The following TH variants were observed in gnomAD, a reference collection of about 807,000 sequenced individuals.
TH encodes the protein tyrosine 3-monooxygenase.
A neutral mutation model predicts 57.4 loss-of-function variants in TH; 49 were observed. The observed-to-expected ratio is 0.85, with a 90% CI of 0.68 to 1.08. TH has a LOEUF of 1.08. TH is among the 50% of genes least tolerant of loss of function. The pLI, the probability that TH is intolerant of heterozygous loss-of-function variation, is 0.00. For synonymous variants in TH, 330 were observed against 304.5 expected (o/e 1.08, Z -0.87); for missense variants, 720 against 696.7 (o/e 1.03, Z -0.38).
In TH at chr11:2,166,765, C is replaced by T. The variant is rs1846103707; in HGVS notation, c.845G>A (p.Arg282His). ...CACAGGCCGCAGCTGGAAGCCCGTG[C>T]GCTCTGCAAGGGGCCACGCGGGTCA... Reference protein sequence around the residue: ...LEDVSRFLKERTGFQLRPVAG... With the variant: ...LEDVSRFLKEHTGFQLRPVAG... The change falls in exon 8 of 13, where the codon CGC becomes CAC. Residue 282 changes from arginine (R) to histidine (H), a missense_variant. By Grantham distance (29) the Arg-to-His change is conservative. Coordinates refer to ENST00000352909, the MANE Select transcript of TH (RefSeq NM_000360.4). 5 of 1,549,090 alleles carry T rather than the reference C, an allele frequency of 3.2e-6. No individual in the cohort carries two copies. Among genetic ancestry groups the T allele is most frequent in the East Asian group, 2.4e-5 (1 of 40,946 alleles).
In TH at chr11:2,170,887, C is replaced by T; in HGVS notation, c.90+810G>A. 2 of 614,136 alleles carry T rather than the reference C, an allele frequency of 3.3e-6. No homozygotes were observed. The highest frequency in any genetic ancestry group is 1.9e-5 in the South Asian group (1 of 51,758). 38.0% of individuals were successfully genotyped at this position (614,136 alleles called of 1,614,324 possible). On this transcript the variant is annotated intron_variant, in intron 1 of 12. Transcript: ENST00000352909. The surrounding 1 kb of genome is among the most constrained non-coding windows in gnomAD (Gnocchi z 6.0). ...GTACCTGGAAATGACACTGCTACAA[C>T]TCACACCACATTTCAATCAAGGTCC...
rs778507389 is a variant in TH, at chr11:2,168,663, C to T, written c.315G>A (p.Thr105=). The change falls in exon 3 of 13, where the codon ACG becomes ACA. Residue 105 remains threonine, a splice_region_variant and synonymous_variant. Coordinates refer to ENST00000352909, the MANE Select transcript of TH (RefSeq NM_000360.4). ...CTAGATGGTGGATTTTGGCTTCAAA[C>T]GTCTTAGGGAGCAAAAGCAGGAAGA... ...ALSRAVKVFE[T]FEAKIHHLET... The T allele has an allele frequency of 1.0e-5, 15 of 1,479,396 alleles. No individual in the cohort carries two copies. The highest frequency in any genetic ancestry group is 5.9e-5 in the East Asian group (2 of 33,820). 91.6% of individuals were successfully genotyped at this position (1,479,396 alleles called of 1,614,324 possible).
In TH at chr11:2,169,747, G is replaced by T; in HGVS notation, c.215C>A (p.Ala72Asp). The T allele has an allele frequency of 1.2e-6, 2 of 1,612,726 alleles. No individual in the cohort carries two copies. The highest frequency in any genetic ancestry group is 1.7e-6 in the Non-Finnish European group (2 of 1,179,866). Residue 72 changes from alanine to aspartate, a missense_variant, in exon 2 of 13, where the codon GCC becomes GAC. Coordinates refer to ENST00000352909, the MANE Select transcript of TH (RefSeq NM_000360.4). ...SEPGDPLEAV[A>D]FEEKEGKAVL... is the part of the protein sequence containing the mutation. ...GGCCTTCCCCTCCTTCTCCTCAAAG[G>T]CCACAGCCTCCAGGGGGTCCCCGGG... is the stretch of plus-strand genomic sequence containing the variant.
At chr11:2,168,364 A>G (rs1350967522) in intron 3 of TH, 127 bp downstream of exon 3, 1 of 1,401,312 alleles carries the variant, frequency 7.1e-7, no homozygotes, top group Non-Finnish European at 9.9e-7. Flanking sequence ...CGGGGTGCGG[A>G]GTGGAGCCCG....
chr11:2,166,156 G>C, intron 9 of TH, 98 bp from the exon 10 acceptor site: 1 of 1,377,650 alleles, frequency 7.3e-7, no homozygotes, highest in Non-Finnish European at 1.0e-6. Flanking sequence ...AGGGGTCTCT[G>C]GGACACTTCC....
rs370429316 is a variant in TH at position 2,168,615 on chromosome 11, C to T, written c.363G>A (p.Pro121=). The change falls in exon 3 of 13, where the codon CCG becomes CCA. Residue 121 remains proline (P), a synonymous_variant. Transcript: ENST00000352909. ...HHLETRPAQR[P]RAGGPHLEYF... is the part of the protein sequence containing the mutation. ...ACTCCAGGTGGGGGCCCCCAGCTCG[C>T]GGCCTCTGGGCGGGCCGGGTCTCTA... 5.1e-4 allele frequency: 821 copies of T among 1,611,876 alleles called. 1 individual carries two copies. The highest frequency in any genetic ancestry group is 6.3e-4 in the Non-Finnish European group (746 of 1,179,696).
intron 6 of TH, 74 bp from the exon 7 acceptor site, chr11:2,167,106 G>A: frequency 6.5e-7 from 1 of 1,531,844 alleles, no homozygotes; most frequent in Non-Finnish European, 8.8e-7. Context: ...AACTGTGGGT[G>A]CCTCTGCCTG....
intron 7 of TH, 33 bp downstream of exon 7, chr11:2,166,854 C>T (rs375452446): frequency 6.3e-7 from 1 of 1,593,106 alleles, no homozygotes. Context: ...ATCCCCGGCC[C>T]CCCGGCTCTG....
intron 9 of TH, 50 bp downstream of exon 9, chr11:2,166,430 G>A: frequency 3.9e-6 from 6 of 1,528,492 alleles, no homozygotes; most frequent in Non-Finnish European, 5.3e-6. Context: ...CGCCCCCGGC[G>A]CCAAGCCAGC....
Position 2,169,680 on chromosome 11 carries a change from C to A in TH, c.282G>T (p.Ser94=), listed in dbSNP as rs75348531. 2 of 1,613,296 alleles carry A rather than the reference C, an allele frequency of 1.2e-6. No homozygotes were observed. Among genetic ancestry groups the A allele is most frequent in the African/African-American group, 1.3e-5 (1 of 74,858 alleles). Residue 94 remains serine, a synonymous_variant, in exon 2 of 13, where the codon TCG becomes TCT. Coordinates refer to ENST00000352909, the MANE Select transcript of TH (RefSeq NM_000360.4). ...LLFSPRATKP[S]ALSRAVKVFE... ...ACACCTTCACAGCTCGGGACAGCGC[C>A]GAGGGCTTGGTGGCCCTCGGGGAGA...
intron 2 of TH, 87 bp downstream of exon 2, chr11:2,169,563 C>T: frequency 7.3e-7 from 1 of 1,373,506 alleles, no homozygotes; most frequent in Non-Finnish European, 1.0e-6. Flanking sequence ...GCAGCTGCAC[C>T]TCTGCTATAG....
At position 2,166,375 on chromosome 11, in the gene TH, G is replaced by T. The variant is rs994818677; in HGVS notation, c.1047+105C>A. 7 of 1,405,946 alleles carry T rather than the reference G, an allele frequency of 5.0e-6. No homozygotes were observed. The Admixed American group carries it at 1.6e-4, about 32-fold the overall frequency. 87.1% of individuals were successfully genotyped at this position (1,405,946 alleles called of 1,614,324 possible). ...GCGCCGAGCCTCCTTGGCGGGGCCCGGGAGCAGGCAGCACACTTCACCCAC... is the reference window on the plus strand; with the variant it reads ...GCGCCGAGCCTCCTTGGCGGGGCCCTGGAGCAGGCAGCACACTTCACCCAC... On this transcript the variant is annotated intron_variant, in intron 9 of 12. Transcript: ENST00000352909.
chr11:2,169,777 G>C lies in TH; in HGVS notation c.185C>G (p.Ser62Trp), dbSNP rs574633942. Residue 62 changes from serine to tryptophan, a missense_variant, in exon 2 of 13, where the codon TCG (serine) becomes TGG (tryptophan). By Grantham distance (177) the Ser-to-Trp change is radical. Coordinates refer to ENST00000352909, the MANE Select transcript of TH (RefSeq NM_000360.4). ...AGCCTCCAGGGGGTCCCCGGGCTCC[G>C]AGGGGACTGCAGCGGCCGCTGCTGC... ...AVAAAAAAVP[S>W]EPGDPLEAVA... 1.9e-6 allele frequency: 3 copies of C among 1,611,684 alleles called. No individual in the cohort carries two copies. Among genetic ancestry groups the C allele is most frequent in the East Asian group, 2.2e-5 (1 of 44,856 alleles).
intron 5 of TH, 157 bp downstream of exon 5, chr11:2,167,709 T>A (rs1846137495): frequency 1.8e-6 from 2 of 1,133,754 alleles, no homozygotes; most frequent in Non-Finnish European, 2.6e-6. Flanking sequence ...CCCACTGGGA[T>A]TTGGGGACAT....
rs974760991 is a variant in TH, at chr11:2,165,448, G to A, written c.1201-83C>T. Reference sequence around the variant, plus strand: ...GGGGCACCGTGGCCTGACGCTGGGTGGGTTCCTTGGGTAGAGTCACCCCCA... The same window carrying A: ...GGGGCACCGTGGCCTGACGCTGGGTAGGTTCCTTGGGTAGAGTCACCCCCA... On this transcript the variant is annotated intron_variant, in intron 11 of 12. Transcript: ENST00000352909. 1.9e-6 allele frequency: 3 copies of A among 1,585,546 alleles called. No homozygotes were observed. In the South Asian group the frequency reaches 3.3e-5, roughly 18 times the overall value.
chr11:2,171,535 G>T lies in TH; in HGVS notation c.90+162C>A. 1 of 714,648 alleles carries T rather than the reference G, an allele frequency of 1.4e-6. No individual in the cohort carries two copies. Among genetic ancestry groups the T allele is most frequent in the Non-Finnish European group, 2.4e-6 (1 of 417,866 alleles). 44.3% of individuals were successfully genotyped at this position (714,648 alleles called of 1,614,324 possible). A position where few individuals can be genotyped will look rare whatever the true frequency, so the allele number is the denominator to read the frequency against. On this transcript the variant is annotated intron_variant, in intron 1 of 12. Coordinates refer to ENST00000352909, the MANE Select transcript of TH (RefSeq NM_000360.4). This position sits in a 1 kb window ranked among gnomAD's most constrained non-coding sequence, Gnocchi z 8.6. ...AGGGACTCAAACACCAGGCACAGGG[G>T]ATGCCGCTGTGCCCAGGCCTCCACA...
Position 2,168,629 on chromosome 11 carries a change from G to T in TH, c.349C>A (p.Pro117Thr). The change falls in exon 3 of 13, where the codon CCC (proline) becomes ACC (threonine). Residue 117 changes from proline (P) to threonine (T), a missense_variant. Transcript: ENST00000352909. ...EAKIHHLETR[P>T]AQRPRAGGPH... Reference sequence around the variant, plus strand: ...CCCCCAGCTCGCGGCCTCTGGGCGGGCCGGGTCTCTAGATGGTGGATTTTG... The same window carrying T: ...CCCCCAGCTCGCGGCCTCTGGGCGGTCCGGGTCTCTAGATGGTGGATTTTG... The T allele has an allele frequency of 6.2e-7, 1 of 1,611,938 alleles. No individual in the cohort carries two copies. Among genetic ancestry groups the T allele is most frequent in the South Asian group, 1.1e-5 (1 of 91,032 alleles).
Position 2,169,739 on chromosome 11 carries a change from C to T in TH, c.223G>A (p.Glu75Lys), listed in dbSNP as rs1424936497. The change falls in exon 2 of 13, where the codon GAG becomes AAG. Residue 75 changes from glutamate (E) to lysine (K), a missense_variant. Physicochemically the swap from Glu to Lys is moderately conservative, Grantham distance 56. Coordinates refer to ENST00000352909, the MANE Select transcript of TH (RefSeq NM_000360.4). Reference protein sequence around the residue: ...GDPLEAVAFEEKEGKAVLNLL... With the variant: ...GDPLEAVAFEKKEGKAVLNLL... ...TTTAGCACGGCCTTCCCCTCCTTCT[C>T]CTCAAAGGCCACAGCCTCCAGGGGG... 5.6e-6 allele frequency: 9 copies of T among 1,612,856 alleles called. No individual in the cohort carries two copies. The South Asian group carries it at 9.9e-5, about 18-fold the overall frequency.
At chr11:2,165,972 C>T (rs558000735) in intron 10 of TH, 30 bp downstream of exon 10, 10 of 1,555,676 alleles carry the variant, frequency 6.4e-6, no homozygotes, top group Non-Finnish European at 8.7e-6. Flanking sequence ...AAACCCACAC[C>T]CCAGGCCCTG....
Sources: allele counts gnomAD v4.1 joint callset, GRCh38; gene constraint gnomAD v4.1.1; non-coding constraint Gnocchi (gnomAD v3.1); transcripts MANE v1.5; gene names NCBI Gene and HGNC (gene_info 2026-07-23, HGNC 2026-07-21).